Variants in ADCY2 observed in about 807,000 individuals in gnomAD.
The protein encoded by ADCY2 is adenylate cyclase type 2.
Under a neutral mutation model 125.2 loss-of-function variants are expected in ADCY2, and 31 were observed. The ratio of observed to expected loss-of-function variants is 0.25; its 90% CI spans 0.19 to 0.33. ADCY2 has a LOEUF of 0.33. Ranked by LOEUF, ADCY2 falls within the 10% of genes least tolerant of loss-of-function variation. The pLI is 1.00. For synonymous variants in ADCY2, 512 were observed against 548.4 expected (o/e 0.93, Z 0.93); for missense variants, 904 against 1,418.2 (o/e 0.64, Z 5.82).
At chr5:7,546,693 A>G (rs1735158057) in intron 3 of ADCY2, among the ~76,000 whole-genome samples, 1 of 152,210 alleles carries the variant, frequency 6.6e-6, no homozygotes, top group African/African-American at 2.4e-5. Context: ...TATGCTTAAG[A>G]TGCACAACCT....
intron 4 of ADCY2, among the ~76,000 whole-genome samples, chr5:7,682,264 C>A (rs890934582): frequency 3.9e-5 from 6 of 152,164 alleles, no homozygotes; most frequent in Admixed American, 6.5e-5. Flanking sequence ...CTAAAATCGC[C>A]TGGGAATAAT....
At chr5:7,626,746 C>G (rs1012132901) in intron 4 of ADCY2, among the ~76,000 whole-genome samples, 1 of 152,078 alleles carries the variant, frequency 6.6e-6, no homozygotes, top group African/African-American at 2.4e-5. Context: ...CCTCAAACTC[C>G]CTTCCCAGGG....
At chr5:7,804,926 G>A (rs1003293252) in intron 22 of ADCY2, among the ~76,000 whole-genome samples, 1 of 152,130 alleles carries the variant, frequency 6.6e-6, no homozygotes, top group African/African-American at 2.4e-5. Flanking sequence ...ATCAGTAGCT[G>A]CTTGTTACCA....
chr5:7,517,670 A>G (rs932571593), intron 2 of ADCY2, among the ~76,000 whole-genome samples: 6 of 152,222 alleles, frequency 3.9e-5, no homozygotes, highest in African/African-American at 1.4e-4. Flanking sequence ...TTGCCATCTC[A>G]TAATGAATAC....
intron 3 of ADCY2, among the ~76,000 whole-genome samples, chr5:7,580,942 C>T (rs1736406173): frequency 6.6e-6 from 1 of 152,184 alleles, no homozygotes. Flanking sequence ...AGAAAACAAA[C>T]ATCTTAGACC....
At chr5:7,553,133 G>A (rs1735390091) in intron 3 of ADCY2, among the ~76,000 whole-genome samples, 1 of 152,148 alleles carries the variant, frequency 6.6e-6, no homozygotes, top group Non-Finnish European at 1.5e-5. Flanking sequence ...AAGAGAAGAT[G>A]GCCACAGAAC....
At chr5:7,637,141 G>A (rs866830276) in intron 4 of ADCY2, among the ~76,000 whole-genome samples, 2 of 152,158 alleles carry the variant, frequency 1.3e-5, no homozygotes, top group Middle Eastern at 3.4e-3. Context: ...TCTAAGGAAG[G>A]GATGGGTACA....
chr5:7,536,815 G>A (rs1734827480), intron 3 of ADCY2, among the ~76,000 whole-genome samples: 1 of 151,864 alleles, frequency 6.6e-6, no homozygotes, highest in African/African-American at 2.4e-5. Context: ...CACACACCGG[G>A]GCTTGTCAGG....
intron 2 of ADCY2, among the ~76,000 whole-genome samples, chr5:7,510,888 C>A (rs1744029918): frequency 6.6e-6 from 1 of 152,198 alleles, no homozygotes; most frequent in African/African-American, 2.4e-5. Flanking sequence ...TTTGTTACTG[C>A]AAAGAGGTTA....
chr5:7,544,806 T>G (rs1258672486), intron 3 of ADCY2, among the ~76,000 whole-genome samples: 1 of 152,088 alleles, frequency 6.6e-6, no homozygotes. Flanking sequence ...AAGTCCCTCC[T>G]CCTGGAGACA....
intron 3 of ADCY2, chr5:7,611,068 A>G (rs957690848): frequency 2.0e-5 from 3 of 152,162 alleles, no homozygotes; most frequent in Admixed American, 2.0e-4. Flanking sequence ...TGTTTCTGTT[A>G]GGAAAACAAC....
chr5:7,607,814 G>A (rs911383823), intron 3 of ADCY2, among the ~76,000 whole-genome samples: 4 of 152,198 alleles, frequency 2.6e-5, no homozygotes, highest in Non-Finnish European at 5.9e-5. Context: ...AAATGAGAAA[G>A]ATACATAAAC....
chr5:7,599,306 AG>A (rs1170687824), intron 3 of ADCY2, among the ~76,000 whole-genome samples: 1 of 152,200 alleles, frequency 6.6e-6, no homozygotes, highest in Non-Finnish European at 1.5e-5. Flanking sequence ...AGGAATGAAA[AG>A]GGGAGGACAC....
chr5:7,672,395 C>G (rs916791660), intron 4 of ADCY2, among the ~76,000 whole-genome samples: 2 of 152,178 alleles, frequency 1.3e-5, no homozygotes, highest in African/African-American at 4.8e-5. Flanking sequence ...AGGGAACTTT[C>G]TCTATACTGG....
intron 3 of ADCY2, among the ~76,000 whole-genome samples, chr5:7,531,262 CA>C (rs1278977501): frequency 1.3e-5 from 2 of 152,172 alleles, no homozygotes; most frequent in South Asian, 2.1e-4. Flanking sequence ...TTCTGCTACC[CA>C]GGCGACCTGG....
rs193040943 is a variant in ADCY2 at position 7,677,005 on chromosome 5, G to A, written c.721-13686G>A. ...GAAATTCTTTAACCCAGCCGGGTGC[G>A]GTGGCTCACACCTGTAATCCCTGCG... On this transcript the variant is annotated intron_variant, in intron 4 of 24. Transcript: ENST00000338316. Among the ~76,000 whole-genome samples, 21 of 152,216 alleles carry A rather than the reference G, an allele frequency of 1.4e-4. No homozygotes were observed. In the South Asian group the frequency reaches 2.3e-3, roughly 17 times the overall value.
At chr5:7,416,823 G>A (rs1415353344) in intron 2 of ADCY2, among the ~76,000 whole-genome samples, 2 of 152,144 alleles carry the variant, frequency 1.3e-5, no homozygotes, top group Admixed American at 6.5e-5. Flanking sequence ...CCTGCTGGTC[G>A]GTTGCCTGGA....
chr5:7,657,205 G>A (rs1391330830), intron 4 of ADCY2, among the ~76,000 whole-genome samples: 5 of 152,190 alleles, frequency 3.3e-5, no homozygotes, highest in African/African-American at 9.7e-5. Flanking sequence ...AATAAAGGAT[G>A]CTCAACCTGT....
intron 4 of ADCY2, among the ~76,000 whole-genome samples, chr5:7,638,499 T>C (rs1405279284): frequency 1.3e-5 from 2 of 152,076 alleles, no homozygotes; most frequent in African/African-American, 4.8e-5. Flanking sequence ...AAAAGTGCAT[T>C]TGAGAGAAAG....
Sources: allele counts gnomAD v4.1 joint callset (sites outside exome capture counted in the v4.1 genomes callset), GRCh38; gene constraint gnomAD v4.1.1; transcripts MANE v1.5; gene names NCBI Gene and HGNC (gene_info 2026-07-23, HGNC 2026-07-21).